The following GRK3 variants were observed in gnomAD, a reference collection of about 807,000 sequenced individuals.
GRK3 encodes the protein adrenergic, beta, receptor kinase 2.
A neutral mutation model predicts 95.7 loss-of-function variants in GRK3; 54 were observed. That is an observed-to-expected ratio of 0.56 (90% CI 0.45 to 0.71). GRK3 has a LOEUF of 0.71. Ranked by LOEUF, GRK3 falls within the 30% of genes least tolerant of loss-of-function variation. The pLI is 0.00. For missense variants in GRK3, 649 were observed against 851.2 expected, an observed-to-expected ratio of 0.76 and a Z score of 2.96; for synonymous variants, 281 against 290.8, an observed-to-expected ratio of 0.97 and a Z score of 0.34.
At chr22:25,580,787 C>T (rs530639705) in intron 1 of GRK3, among the ~76,000 whole-genome samples, 10 of 152,236 alleles carry the variant, frequency 6.6e-5, no homozygotes, top group Non-Finnish European at 1.2e-4. Flanking sequence ...CTCAGATGAG[C>T]CACTGTGCCT....
chr22:25,578,684 A>T (rs907935389), intron 1 of GRK3, among the ~76,000 whole-genome samples: 4 of 152,092 alleles, frequency 2.6e-5, no homozygotes, highest in Non-Finnish European at 5.9e-5. Flanking sequence ...TTGAGGAAGG[A>T]GGAAGGGGCC....
Position 25,722,534 on chromosome 22 carries a change from A to G in GRK3, c.*84A>G, listed in dbSNP as rs540465225. The G allele has an allele frequency of 2.1e-6, 3 of 1,459,504 alleles. No homozygotes were observed. The East Asian group carries it at 7.0e-5, about 34-fold the overall frequency. 90.4% of individuals were successfully genotyped at this position (1,459,504 alleles called of 1,614,324 possible). On this transcript the variant is annotated 3_prime_UTR_variant, in exon 21 of 21. Coordinates refer to ENST00000324198, the MANE Select transcript of GRK3 (RefSeq NM_005160.4). ...TGAACGAGGATGAGGCATCTGATCT[A>G]TTCGCTACCGGGACTCCTCCAGGCT...
At chr22:25,657,463 G>T (rs541003531) in intron 3 of GRK3, among the ~76,000 whole-genome samples, 1 of 152,106 alleles carries the variant, frequency 6.6e-6, no homozygotes, top group African/African-American at 2.4e-5. Context: ...TGACTTCACT[G>T]GATATTAATA....
At position 25,724,115 on chromosome 22, in the gene GRK3, A is replaced by AACACACACACACACAC. The variant is rs60731107; in HGVS notation, c.*1686_*1701dup. ...AAGAATAGTATTCAAATTCTGTTGA[A>AACACACACACACACAC]ACACACACACACACACACACACACA... On this transcript the variant is annotated 3_prime_UTR_variant, in exon 21 of 21. Transcript: ENST00000324198. 9.7e-5 allele frequency: 14 copies of AACACACACACACACAC among 144,652 alleles called. No individual in the cohort carries two copies. The highest frequency in any genetic ancestry group is 3.6e-4 in the African/African-American group (14 of 39,410). 9.0% of individuals were successfully genotyped at this position (144,652 alleles called of 1,614,324 possible). A position where few individuals can be genotyped will look rare whatever the true frequency, so the allele number is the denominator to read the frequency against.
intron 2 of GRK3, among the ~76,000 whole-genome samples, chr22:25,625,985 C>T (rs2084625079): frequency 6.6e-6 from 1 of 152,200 alleles, no homozygotes; most frequent in Non-Finnish European, 1.5e-5. Context: ...ACATCCGGGG[C>T]CACTACCGGT....
chr22:25,592,558 A>G (rs1223754331), intron 1 of GRK3, among the ~76,000 whole-genome samples: 6 of 152,110 alleles, frequency 3.9e-5, no homozygotes, highest in African/African-American at 1.4e-4. Context: ...AACTAGTCAC[A>G]AAGTTTTTTT....
chr22:25,610,102 C>T lies in GRK3; in HGVS notation c.190+5649C>T, dbSNP rs576401630. 5.3e-5 allele frequency among the ~76,000 whole-genome samples: 8 copies of T among 152,012 alleles called. No homozygotes were observed. In the East Asian group the frequency reaches 5.9e-4, roughly 11 times the overall value. On this transcript the variant is annotated intron_variant, in intron 2 of 20. Transcript: ENST00000324198. ...TCTTGACCTTGTGATCCACCCACCT[C>T]GGCCTCCCAAAGTGCTGGGATTACA... is the stretch of plus-strand genomic sequence containing the variant.
At chr22:25,675,911 A>G (rs73415114) in intron 8 of GRK3, among the ~76,000 whole-genome samples, 10,709 of 152,260 alleles carry the variant, frequency 0.07, 1,205 homozygotes, top group African/African-American at 0.24. Context: ...AATGTAGCCT[A>G]GGGATCTGGA....
At position 25,580,459 on chromosome 22, in the gene GRK3, T is replaced by C. The variant is rs1328698756; in HGVS notation, c.113+15306T>C. 1.3e-5 allele frequency: 2 copies of C among 152,214 alleles called. 1 individual carries two copies. Among genetic ancestry groups the C allele is most frequent in the African/African-American group, 4.8e-5 (2 of 41,470 alleles). 9.4% of individuals were successfully genotyped at this position (152,214 alleles called of 1,614,324 possible). A position where few individuals can be genotyped will look rare whatever the true frequency, so the allele number is the denominator to read the frequency against. ...GAAGTGATAATAGACTGTGTTTATA[T>C]GAGAAAATTATCCATAATTTTTAGA... is the stretch of plus-strand genomic sequence containing the variant. On this transcript the variant is annotated intron_variant, in intron 1 of 20. Coordinates refer to ENST00000324198, the MANE Select transcript of GRK3 (RefSeq NM_005160.4).
intron 2 of GRK3, among the ~76,000 whole-genome samples, chr22:25,635,410 T>C (rs1336005587): frequency 6.9e-6 from 1 of 145,494 alleles, no homozygotes; most frequent in Admixed American, 6.7e-5. Context: ...ACAGATATAA[T>C]ACTATAATAC....
chr22:25,705,316 T>C (rs977901574), intron 15 of GRK3, among the ~76,000 whole-genome samples: 1 of 152,210 alleles, frequency 6.6e-6, no homozygotes, highest in African/African-American at 2.4e-5. Flanking sequence ...TTTCCAACTA[T>C]AAACAGTATC....
chr22:25,614,429 C>T (rs1036938823), intron 2 of GRK3, among the ~76,000 whole-genome samples: 10 of 152,196 alleles, frequency 6.6e-5, no homozygotes, highest in African/African-American at 2.2e-4. Context: ...CCACTGTGCT[C>T]GGCCATCTAT....
intron 2 of GRK3, among the ~76,000 whole-genome samples, chr22:25,631,341 T>C (rs948763521): frequency 5.3e-5 from 8 of 152,238 alleles, no homozygotes; most frequent in African/African-American, 1.7e-4. Flanking sequence ...TCCACACTTA[T>C]GTGTGTGAAT....
chr22:25,662,414 C>G (rs2084915205), intron 4 of GRK3, among the ~76,000 whole-genome samples: 2 of 152,200 alleles, frequency 1.3e-5, no homozygotes, highest in Admixed American at 1.3e-4. Context: ...ATTTCCAGTA[C>G]TCAGTGGTTA....
chr22:25,657,578 C>A (rs2084881485), intron 3 of GRK3, among the ~76,000 whole-genome samples: 1 of 152,102 alleles, frequency 6.6e-6, no homozygotes, highest in African/African-American at 2.4e-5. Flanking sequence ...TTCTTTTAGA[C>A]AGATATAAAA....
chr22:25,709,596 TTGTGTGTG>T (rs3830752), intron 15 of GRK3, among the ~76,000 whole-genome samples: 1 of 150,488 alleles, frequency 6.6e-6, no homozygotes, highest in Non-Finnish European at 1.5e-5. Context: ...TATAGAATTA[TTGTGTGTG>T]TGTGTGTGTG....
At chr22:25,598,508 C>CA (rs1327014266) in intron 1 of GRK3, among the ~76,000 whole-genome samples, 5 of 151,386 alleles carry the variant, frequency 3.3e-5, no homozygotes, top group South Asian at 2.1e-4. Context: ...CCTGTCTCTA[C>CA]AAAAAAAATT....
In GRK3 at chr22:25,722,327, C is replaced by G; in HGVS notation, c.1944C>G (p.Asn648Lys). Residue 648 changes from asparagine to lysine, a missense_variant, in exon 21 of 21, where the codon AAC (asparagine) becomes AAG (lysine). Coordinates refer to ENST00000324198, the MANE Select transcript of GRK3 (RefSeq NM_005160.4). ...PEFVQWKKEL[N>K]ETFKEAQRLL... is the part of the protein sequence containing the mutation. ...TTGTGCAGTGGAAGAAAGAGTTGAA[C>G]GAAACCTTCAAGGAGGCCCAGCGGC... 1 of 1,614,192 alleles carries G rather than the reference C, an allele frequency of 6.2e-7. No homozygotes were observed. Among genetic ancestry groups the G allele is most frequent in the Non-Finnish European group, 8.5e-7 (1 of 1,180,036 alleles).
chr22:25,627,573 G>C (rs944862983), intron 2 of GRK3, among the ~76,000 whole-genome samples: 2 of 152,294 alleles, frequency 1.3e-5, no homozygotes, highest in Middle Eastern at 3.4e-3. Flanking sequence ...ATCTGTGACT[G>C]TACCACAACC....
Sources: gnomAD v4.1 joint callset for allele counts (sites outside exome capture counted in the v4.1 genomes callset) on GRCh38, gnomAD v4.1.1 for gene constraint, MANE v1.5 for transcripts, NCBI Gene and HGNC (gene_info 2026-07-23, HGNC 2026-07-21) for gene names.